ESR2: variants seen among roughly 807,000 people sequenced by gnomAD.
ESR2 encodes estrogen receptor beta.
In ESR2, 36 loss-of-function variants were observed where a neutral mutation model predicts 49.6. That is an observed-to-expected ratio of 0.73 (90% CI 0.56 to 0.96). The LOEUF (loss-of-function observed/expected upper bound fraction) is 0.96, where lower values mean the gene tolerates loss of function less well. ESR2 is among the 40% of genes least tolerant of loss of function. The pLI is 0.00. For synonymous variants in ESR2, 320 were observed against 266.1 expected (o/e 1.20, Z -1.97); for missense variants, 714 against 693.0 (o/e 1.03, Z -0.34).
chr14:64,269,853 CA>C (rs1471635070), intron 3 of ESR2, among the ~76,000 whole-genome samples: 5 of 152,060 alleles, frequency 3.3e-5, no homozygotes, highest in Non-Finnish European at 7.4e-5. Context: ...ATTTATATTT[CA>C]AAAATTATTT....
intron 3 of ESR2, among the ~76,000 whole-genome samples, chr14:64,269,339 CAAAT>C (rs913622071): frequency 6.6e-5 from 10 of 152,076 alleles, no homozygotes; most frequent in Admixed American, 5.9e-4. Flanking sequence ...AATTCATAGT[CAAAT>C]AAAATAACAA....
At position 64,235,103 on chromosome 14, in the gene ESR2, T is replaced by C. The variant is rs371686799; in HGVS notation, c.1273A>G (p.Lys425Glu). Reference protein sequence around the residue: ...TATQDADSSRKLAHLLNAVTD... With the variant: ...TATQDADSSRELAHLLNAVTD... Reference sequence around the variant, plus strand: ...ACGGCGTTCAGCAAGTGAGCCAGCTTCCGGCTGCTGTCAGCATCCTGGGTC... The same window carrying C: ...ACGGCGTTCAGCAAGTGAGCCAGCTCCCGGCTGCTGTCAGCATCCTGGGTC... Residue 425 changes from lysine (K) to glutamate (E), a missense_variant, in exon 8 of 9, where the codon AAG (lysine) becomes GAG (glutamate). Coordinates refer to ENST00000341099, the MANE Select transcript of ESR2 (RefSeq NM_001437.3). The C allele has an allele frequency of 1.3e-5, 21 of 1,614,078 alleles. No individual in the cohort carries two copies. Among genetic ancestry groups the C allele is most frequent in the Non-Finnish European group, 1.8e-5 (21 of 1,180,024 alleles).
At chr14:64,291,972 A>C (rs1596465921) in intron 1 of ESR2, among the ~76,000 whole-genome samples, 1 of 152,306 alleles carries the variant, frequency 6.6e-6, no homozygotes, top group Admixed American at 6.5e-5. Flanking sequence ...TGATATAAAT[A>C]ACTTTTAATG....
At chr14:64,271,034 A>G (rs990398875) in intron 3 of ESR2, among the ~76,000 whole-genome samples, 1 of 152,152 alleles carries the variant, frequency 6.6e-6, no homozygotes, top group African/African-American at 2.4e-5. Context: ...ATTATTAACT[A>G]TACTTCATAT....
chr14:64,277,864 G>A (rs191848798), intron 3 of ESR2, among the ~76,000 whole-genome samples: 7 of 152,046 alleles, frequency 4.6e-5, no homozygotes, highest in African/African-American at 1.7e-4. Context: ...GTCTGATGCA[G>A]CAGGAAGGAA....
intron 1 of ESR2, chr14:64,330,837 A>G (rs1364156078): frequency 6.6e-6 from 1 of 151,532 alleles, no homozygotes; most frequent in Non-Finnish European, 1.5e-5. Context: ...AGGCAGAAGA[A>G]TTGCTTGAAC....
rs2098724868 is a variant in ESR2, at chr14:64,229,052, A to G, written c.*4085T>C. Reference sequence around the variant, plus strand: ...AGGAACATATTCCACGTGTTTGGGGAAAGCAGTCACAGACAGGAGGTGATC... The same window carrying G: ...AGGAACATATTCCACGTGTTTGGGGGAAGCAGTCACAGACAGGAGGTGATC... On this transcript the variant is annotated 3_prime_UTR_variant, in exon 9 of 9. Coordinates refer to ENST00000341099, the MANE Select transcript of ESR2 (RefSeq NM_001437.3). 6.6e-6 allele frequency among the ~76,000 whole-genome samples: 1 copy of G among 152,190 alleles called. No homozygotes were observed. Among genetic ancestry groups the G allele is most frequent in the East Asian group, 1.9e-4 (1 of 5,196 alleles).
At chr14:64,323,634 G>T (rs745579753) in intron 1 of ESR2, among the ~76,000 whole-genome samples, 2 of 152,180 alleles carry the variant, frequency 1.3e-5, no homozygotes, top group Non-Finnish European at 2.9e-5. Flanking sequence ...TAGATGAGAT[G>T]ATATATTTAT....
chr14:64,300,661 C>T (rs985133898), intron 1 of ESR2, among the ~76,000 whole-genome samples: 2 of 152,066 alleles, frequency 1.3e-5, no homozygotes, highest in Non-Finnish European at 2.9e-5. Flanking sequence ...GAGGCTGAGG[C>T]TGGAGGATCA....
intron 1 of ESR2, chr14:64,329,363 C>G (rs2077426540): frequency 6.6e-6 from 1 of 152,244 alleles, no homozygotes. Context: ...CAAATTCCAA[C>G]ATGAGACTTG....
intron 1 of ESR2, among the ~76,000 whole-genome samples, chr14:64,318,852 G>C (rs1320874244): frequency 6.6e-6 from 1 of 152,048 alleles, no homozygotes; most frequent in Non-Finnish European, 1.5e-5. Context: ...AGGCCAGCCT[G>C]GGCAACATGG....
Position 64,254,364 on chromosome 14 carries a change from G to T in ESR2, c.1091+2862C>A, listed in dbSNP as rs1229881772. ...CTACAAATATACCTATTACATAAAA[G>T]TATATTCATTTGTATAAGAGAGGAC... On this transcript the variant is annotated intron_variant, in intron 6 of 8. Coordinates refer to ENST00000341099, the MANE Select transcript of ESR2 (RefSeq NM_001437.3). Among the ~76,000 whole-genome samples the T allele has an allele frequency of 2.0e-5, 3 of 152,192 alleles. No homozygotes were observed. The East Asian group carries it at 5.8e-4, about 29-fold the overall frequency.
chr14:64,281,334 T>C (rs2140814254), intron 2 of ESR2, among the ~76,000 whole-genome samples: 1 of 152,302 alleles, frequency 6.6e-6, no homozygotes, highest in East Asian at 1.9e-4. Context: ...AAAGGTATTA[T>C]TGATTTATAA....
intron 5 of ESR2, 81 bp from the exon 6 acceptor site, chr14:64,257,445 T>C: frequency 6.5e-7 from 1 of 1,535,668 alleles, no homozygotes. Context: ...ATGGCAAGTG[T>C]TAAAACACTA....
In ESR2 at chr14:64,231,371, A is replaced by G. The variant is rs1458226617; in HGVS notation, c.*1766T>C. 1.3e-5 allele frequency: 2 copies of G among 152,172 alleles called. No individual in the cohort carries two copies. Among genetic ancestry groups the G allele is most frequent in the South Asian group, 2.1e-4 (1 of 4,824 alleles). The allele number at this position is 152,172 out of a possible 1,614,324, so 9.4% of individuals were successfully genotyped here. A position where few individuals can be genotyped will look rare whatever the true frequency, so the allele number is the denominator to read the frequency against. Reference sequence around the variant, plus strand: ...GCTGACCAGGAGGAAAGAAGCTGACACTAACACTGGTTCCCTGGTTCCTAT... The same window carrying G: ...GCTGACCAGGAGGAAAGAAGCTGACGCTAACACTGGTTCCCTGGTTCCTAT... On this transcript the variant is annotated 3_prime_UTR_variant, in exon 9 of 9. Coordinates refer to ENST00000341099, the MANE Select transcript of ESR2 (RefSeq NM_001437.3).
chr14:64,305,439 G>C (rs1460796414), intron 1 of ESR2, among the ~76,000 whole-genome samples: 1 of 151,978 alleles, frequency 6.6e-6, no homozygotes, highest in Non-Finnish European at 1.5e-5. Flanking sequence ...GGGAGGCCAA[G>C]GCGGGCGGAT....
chr14:64,328,988 G>A (rs2077422041), intron 1 of ESR2, among the ~76,000 whole-genome samples: 1 of 151,966 alleles, frequency 6.6e-6, no homozygotes, highest in Admixed American at 6.6e-5. Flanking sequence ...ATTAGTTGTA[G>A]ATATTTTAAA....
intron 7 of ESR2, among the ~76,000 whole-genome samples, chr14:64,241,386 G>A (rs923392786): frequency 6.6e-6 from 1 of 152,196 alleles, no homozygotes; most frequent in Non-Finnish European, 1.5e-5. Flanking sequence ...AAATCAGGTA[G>A]TGTAAGTCCT....
chr14:64,231,398 A>AAACCAAGCTTATCCTGCCTGTACT lies in ESR2; in HGVS notation c.*1715_*1738dup, dbSNP rs1215460799. On this transcript the variant is annotated 3_prime_UTR_variant, in exon 9 of 9. Transcript: ENST00000341099. The stretch of plus-strand genomic sequence containing the variant: ...TAACACTGGTTCCCTGGTTCCTATG[A>AAACCAAGCTTATCCTGCCTGTACT]AACCAAGCTTATCCTGCCTGTACTA... The AAACCAAGCTTATCCTGCCTGTACT allele has an allele frequency of 2.6e-5, 4 of 152,182 alleles. No homozygotes were observed. The highest frequency in any genetic ancestry group is 7.2e-5 in the African/African-American group (3 of 41,424). 9.4% of individuals were successfully genotyped at this position (152,182 alleles called of 1,614,324 possible).
Sources: allele counts gnomAD v4.1 joint callset (sites outside exome capture counted in the v4.1 genomes callset), GRCh38; gene constraint gnomAD v4.1.1; transcripts MANE v1.5; gene names NCBI Gene and HGNC (gene_info 2026-07-23, HGNC 2026-07-21).